Variants in ANO2 observed in about 807,000 individuals in gnomAD.
The protein encoded by ANO2 is anoctamin-2.
Under a neutral mutation model 124.2 loss-of-function variants are expected in ANO2, and 101 were observed. That is an observed-to-expected ratio of 0.81 (90% CI 0.69 to 0.96). The LOEUF is 0.96. Ranked by LOEUF, ANO2 falls within the 40% of genes least tolerant of loss-of-function variation. ANO2 has a pLI of 0.00. For missense variants in ANO2, 1,293 were observed against 1,274.5 expected, an observed-to-expected ratio of 1.01 and a Z score of -0.22; for synonymous variants, 486 against 482.5, an observed-to-expected ratio of 1.01 and a Z score of -0.09.
chr12:5,869,517 C>T lies in ANO2; in HGVS notation c.535-15376G>A, dbSNP rs571707662. ...ATGACAAAGAGAAGAATTTCCCTCT[C>T]CAACCCCTGCTGGGTCAAAATTCTG... On this transcript the variant is annotated intron_variant, in intron 3 of 24. Transcript: ENST00000682330. Among the ~76,000 whole-genome samples the T allele has an allele frequency of 1.6e-3, 241 of 152,292 alleles. 4 individuals are homozygous for T. The highest frequency in any genetic ancestry group is 5.5e-3 in the African/African-American group (229 of 41,556).
At chr12:5,867,778 G>GGA (rs1555175814) in intron 3 of ANO2, among the ~76,000 whole-genome samples, 6 of 78,544 alleles carry the variant, frequency 7.6e-5, no homozygotes, top group Non-Finnish European at 9.4e-5. Context: ...GCACTATAAT[G>GGA]AAAAAAAAAA....
intron 14 of ANO2, among the ~76,000 whole-genome samples, chr12:5,665,372 TG>T: frequency 6.6e-6 from 1 of 152,310 alleles, no homozygotes; most frequent in South Asian, 2.1e-4. Context: ...ACTCCACTGC[TG>T]GGTGGCAGGA....
chr12:5,652,013 A>G (rs1408406559), intron 14 of ANO2, among the ~76,000 whole-genome samples: 1 of 152,226 alleles, frequency 6.6e-6, no homozygotes, highest in Admixed American at 6.5e-5. Context: ...GGATGTTTGA[A>G]TTGTTTCCAG....
chr12:5,637,864 A>T (rs932696464), intron 15 of ANO2, among the ~76,000 whole-genome samples: 1 of 152,144 alleles, frequency 6.6e-6, no homozygotes, highest in Non-Finnish European at 1.5e-5. Flanking sequence ...CTCAAGATTC[A>T]CAGAGCTTTC....
At chr12:5,699,134 T>A (rs1359508868) in intron 14 of ANO2, among the ~76,000 whole-genome samples, 1 of 151,972 alleles carries the variant, frequency 6.6e-6, no homozygotes, top group African/African-American at 2.4e-5. Context: ...CCAAGACACA[T>A]AATTGTCAGA....
chr12:5,730,949 GTTT>G (rs1231869718), intron 14 of ANO2, among the ~76,000 whole-genome samples: 2 of 152,196 alleles, frequency 1.3e-5, no homozygotes, highest in East Asian at 3.8e-4. Context: ...GCATTCAGAT[GTTT>G]TTTAATTATT....
intron 3 of ANO2, among the ~76,000 whole-genome samples, chr12:5,861,673 GC>G (rs1351864732): frequency 1.3e-5 from 2 of 152,110 alleles, no homozygotes; most frequent in African/African-American, 4.8e-5. Flanking sequence ...GCACATCGGC[GC>G]CCGGGAATGG....
chr12:5,790,854 C>T (rs1952675911), intron 10 of ANO2, among the ~76,000 whole-genome samples: 1 of 152,154 alleles, frequency 6.6e-6, no homozygotes, highest in Non-Finnish European at 1.5e-5. Flanking sequence ...GGGACTGACT[C>T]TTGCGCTGTT....
intron 4 of ANO2, chr12:5,851,919 GA>G: frequency 1.4e-6 from 1 of 738,262 alleles, no homozygotes; most frequent in Non-Finnish European, 2.5e-6. Context: ...TACCCTGGGG[GA>G]TGGAAATCAT....
chr12:5,890,082 A>T (rs373407013), intron 3 of ANO2, among the ~76,000 whole-genome samples: 30 of 152,002 alleles, frequency 2.0e-4, no homozygotes, highest in African/African-American at 6.8e-4. Context: ...GCATCTTGGG[A>T]AAACCAGCAC....
In ANO2 at chr12:5,914,830, T is replaced by C. The variant is rs115631682; in HGVS notation, c.534+6210A>G. Reference sequence around the variant, plus strand: ...ACATGCCCTCCTGGCTTCCACAGGATTGTACTGTGCCTGGTTCTCAGACCC... The same window carrying C: ...ACATGCCCTCCTGGCTTCCACAGGACTGTACTGTGCCTGGTTCTCAGACCC... On this transcript the variant is annotated intron_variant, in intron 3 of 24. Transcript: ENST00000682330. Among the ~76,000 whole-genome samples, 1,194 of 152,300 alleles carry C rather than the reference T, an allele frequency of 7.8e-3. 9 individuals are homozygous for C. The highest frequency in any genetic ancestry group is 0.027 in the African/African-American group (1,111 of 41,588).
chr12:5,618,906 C>A (rs1353439495), intron 16 of ANO2, among the ~76,000 whole-genome samples: 3 of 152,222 alleles, frequency 2.0e-5, no homozygotes, highest in African/African-American at 7.2e-5. Flanking sequence ...CAGAAAGAGT[C>A]TTAGGGAAAG....
intron 16 of ANO2, among the ~76,000 whole-genome samples, chr12:5,623,089 T>C (rs1372022801): frequency 6.6e-6 from 1 of 152,034 alleles, no homozygotes; most frequent in African/African-American, 2.4e-5. Flanking sequence ...GCTGTCTGCA[T>C]CTCAGGCCAC....
intron 14 of ANO2, among the ~76,000 whole-genome samples, chr12:5,724,980 G>C (rs117568002): frequency 0.011 from 1,669 of 152,020 alleles, 15 homozygotes; most frequent in Middle Eastern, 0.024. Context: ...CATGTTCTTT[G>C]CATCTTGACA....
chr12:5,766,345 C>T (rs1484077880), intron 10 of ANO2, among the ~76,000 whole-genome samples: 1 of 152,166 alleles, frequency 6.6e-6, no homozygotes, highest in African/African-American at 2.4e-5. Context: ...TTGGTATAGT[C>T]ACCCAATGGA....
chr12:5,736,647 G>A (rs895892647), intron 13 of ANO2, among the ~76,000 whole-genome samples: 9 of 152,012 alleles, frequency 5.9e-5, no homozygotes, highest in African/African-American at 1.5e-4. Flanking sequence ...CAAGTCATTC[G>A]TACCTTGTTA....
intron 9 of ANO2, among the ~76,000 whole-genome samples, 160 bp downstream of exon 9, chr12:5,805,892 C>T (rs1247358895): frequency 6.6e-6 from 1 of 152,096 alleles, no homozygotes; most frequent in Non-Finnish European, 1.5e-5. Context: ...ACCACCCTCA[C>T]ATTTCCAAAT....
intron 15 of ANO2, among the ~76,000 whole-genome samples, chr12:5,641,899 A>C (rs1423577063): frequency 4.6e-5 from 7 of 152,244 alleles, no homozygotes; most frequent in Non-Finnish European, 1.0e-4. Flanking sequence ...ATTTTAAAAA[A>C]AGAAAAAACT....
intron 20 of ANO2, among the ~76,000 whole-genome samples, chr12:5,596,652 T>C (rs1014252177): frequency 1.3e-5 from 2 of 152,128 alleles, no homozygotes; most frequent in African/African-American, 2.4e-5. Flanking sequence ...TTTTTTTTCA[T>C]TCTTCTCATT....
Sources: allele counts gnomAD v4.1 joint callset (sites outside exome capture counted in the v4.1 genomes callset), GRCh38; gene constraint gnomAD v4.1.1; transcripts MANE v1.5; gene names NCBI Gene and HGNC (gene_info 2026-07-23, HGNC 2026-07-21).